Variants in PCDHGB7 observed in about 807,000 individuals in gnomAD.
PCDHGB7 encodes the protein protocadherin gamma-B7.
Under a neutral mutation model 61.4 loss-of-function variants are expected in PCDHGB7, and 37 were observed. That is an observed-to-expected ratio of 0.60 (90% confidence interval 0.46 to 0.79). PCDHGB7 has a LOEUF of 0.79. Among genes scored for constraint, PCDHGB7 ranks in the 30% least tolerant of loss-of-function variants. The probability of loss-of-function intolerance (pLI) is 0.00; values close to 1 mark genes in which losing one functional copy is unlikely to be tolerated. For synonymous variants in PCDHGB7, 464 were observed against 503.5 expected (o/e 0.92, Z 1.05); for missense variants, 1,166 against 1,202.5 (o/e 0.97, Z 0.45).
At chr5:141,430,996 G>A (rs1256552269) in intron 1 of PCDHGB7, 6 of 1,614,024 alleles carry the variant, frequency 3.7e-6, no homozygotes, top group Non-Finnish European at 5.1e-6. Context: ...CCCTGAATCC[G>A]CGCAGCGGCA....
At chr5:141,456,819 C>A (rs1453433865) in intron 1 of PCDHGB7, among the ~76,000 whole-genome samples, 1 of 151,982 alleles carries the variant, frequency 6.6e-6, no homozygotes, top group Non-Finnish European at 1.5e-5. Flanking sequence ...AAAAAATTAG[C>A]CATCGTGGTA....
Position 141,485,818 on chromosome 5 carries a change from C to A in PCDHGB7, c.2416-8989C>A, listed in dbSNP as rs757848513. The A allele has an allele frequency of 1.2e-6, 2 of 1,613,910 alleles. No individual in the cohort carries two copies. The highest frequency in any genetic ancestry group is 1.7e-6 in the Non-Finnish European group (2 of 1,179,974). On this transcript the variant is annotated intron_variant, in intron 1 of 3. Transcript: ENST00000398594. The surrounding 1 kb of genome is among the most constrained non-coding windows in gnomAD (Gnocchi z 5.7). ...ACTACCGCCTGGTGCTGACTGCTGT[C>A]GATGGAGGGAACCCGCCGAGATCTG...
rs61612330 is a variant in PCDHGB7, at chr5:141,454,796, A to ATTTTTTTTTTTTTTT, written c.2415+34537_2415+34551dup. 1.0e-3 allele frequency among the ~76,000 whole-genome samples: 80 copies of ATTTTTTTTTTTTTTT among 77,456 alleles called. 10 individuals are homozygous for ATTTTTTTTTTTTTTT. The highest frequency in any genetic ancestry group is 2.0e-3 in the East Asian group (5 of 2,512). The allele number at this position is 77,456 out of a possible 152,430, so 50.8% of individuals were successfully genotyped here. A position where few individuals can be genotyped will look rare whatever the true frequency, so the allele number is the denominator to read the frequency against. On this transcript the variant is annotated intron_variant, in intron 1 of 3. Transcript: ENST00000398594. ...AAGGAAATAATCCTCCATGGTTCTA[A>ATTTTTTTTTTTTTTT]TTTTTTTTTTTTTTTTTTTTTTTTT...
rs1329435709 is a variant in PCDHGB7 at position 141,485,726 on chromosome 5, C to T, written c.2416-9081C>T. ...ACACTTTGCACTGGATGTGAAGAAGCGCAGCGACGGCAGCCTGGTCCCAGA... is the reference window on the plus strand; with the variant it reads ...ACACTTTGCACTGGATGTGAAGAAGTGCAGCGACGGCAGCCTGGTCCCAGA... On this transcript the variant is annotated intron_variant, in intron 1 of 3. Coordinates refer to ENST00000398594, the MANE Select transcript of PCDHGB7 (RefSeq NM_018927.4). This position sits in a 1 kb window ranked among gnomAD's most constrained non-coding sequence, Gnocchi z 5.7. 2 of 1,614,138 alleles carry T rather than the reference C, an allele frequency of 1.2e-6. No homozygotes were observed. The highest frequency in any genetic ancestry group is 8.5e-7 in the Non-Finnish European group (1 of 1,180,024).
At chr5:141,507,842 C>CT (rs2099864170) in intron 3 of PCDHGB7, among the ~76,000 whole-genome samples, 1 of 152,230 alleles carries the variant, frequency 6.6e-6, no homozygotes, top group Admixed American at 6.5e-5. Flanking sequence ...GGGTCAGGCC[C>CT]TGCTCTCACT....
At position 141,487,382 on chromosome 5, in the gene PCDHGB7, T is replaced by A. The variant is rs755316738; in HGVS notation, c.2416-7425T>A. 6.2e-7 allele frequency: 1 copy of A among 1,614,172 alleles called. No individual in the cohort carries two copies. The highest frequency in any genetic ancestry group is 2.2e-5 in the East Asian group (1 of 44,854). On this transcript the variant is annotated intron_variant, in intron 1 of 3. Transcript: ENST00000398594. The surrounding 1 kb of genome is among the most constrained non-coding windows in gnomAD (Gnocchi z 5.0). ...TGGCACCTGTGCCTGTCTCACCAGA[T>A]CTCGAAGGAGGGAGGGGCTTCCCCC...
chr5:141,505,267 A>G (rs2099845018), intron 2 of PCDHGB7, 126 bp from the exon 3 acceptor site: 1 of 1,514,640 alleles, frequency 6.6e-7, no homozygotes, highest in Admixed American at 2.0e-5. Flanking sequence ...TACCTTGCTG[A>G]GAGAAACAGG....
intron 1 of PCDHGB7, among the ~76,000 whole-genome samples, chr5:141,454,120 T>C (rs956675583): frequency 6.6e-5 from 10 of 152,228 alleles, no homozygotes; most frequent in African/African-American, 2.4e-4. Context: ...ATAGAAGAAA[T>C]AGCTGACCAT....
chr5:141,485,340 C>A lies in PCDHGB7; in HGVS notation c.2416-9467C>A. 1 of 1,614,076 alleles carries A rather than the reference C, an allele frequency of 6.2e-7. No individual in the cohort carries two copies. On this transcript the variant is annotated intron_variant, in intron 1 of 3. Transcript: ENST00000398594. The surrounding 1 kb of genome is among the most constrained non-coding windows in gnomAD (Gnocchi z 5.7). ...GTCGCTCAAGATTTCCTGCTGGATA[C>A]GGACAGTCTGTCAGCTCGCAGGCTG...
At chr5:141,501,583 T>C (rs1270487304) in intron 2 of PCDHGB7, among the ~76,000 whole-genome samples, 1 of 152,054 alleles carries the variant, frequency 6.6e-6, no homozygotes, top group Non-Finnish European at 1.5e-5. Context: ...GGCTTTCAGG[T>C]TGCAACTCTA....
intron 1 of PCDHGB7, among the ~76,000 whole-genome samples, chr5:141,464,155 C>T (rs2099076990): frequency 1.3e-5 from 2 of 151,614 alleles, no homozygotes; most frequent in African/African-American, 4.8e-5. Flanking sequence ...GTCCCAGCTA[C>T]TTGGAAGGCT....
At chr5:141,425,379 G>A (rs1330938768) in intron 1 of PCDHGB7, among the ~76,000 whole-genome samples, 7 of 152,152 alleles carry the variant, frequency 4.6e-5, no homozygotes, top group African/African-American at 4.8e-5. Context: ...ATGTTGATTC[G>A]GAGGTAGTGA....
At position 141,475,845 on chromosome 5, in the gene PCDHGB7, G is replaced by A. The variant is rs2099375736; in HGVS notation, c.2416-18962G>A. On this transcript the variant is annotated intron_variant, in intron 1 of 3. Coordinates refer to ENST00000398594, the MANE Select transcript of PCDHGB7 (RefSeq NM_018927.4). ...CGCTAGCGCGTGTCCTGCTCAGAGA[G>A]CCCGGCGCTAGCTCATTCTTCGTGC... The A allele has an allele frequency of 2.0e-5, 9 of 447,884 alleles. 1 individual carries two copies. In the South Asian group the frequency reaches 2.8e-4, roughly 14 times the overall value. 27.7% of individuals were successfully genotyped at this position (447,884 alleles called of 1,614,324 possible).
Position 141,419,981 on chromosome 5 carries a change from A to G in PCDHGB7, c.2122A>G (p.Ile708Val), listed in dbSNP as rs2096455772. 1.2e-6 allele frequency: 2 copies of G among 1,613,934 alleles called. No homozygotes were observed. The highest frequency in any genetic ancestry group is 2.2e-5 in the East Asian group (1 of 44,902). The change falls in exon 1 of 4, where the codon ATT becomes GTT. Residue 708 changes from isoleucine to valine, a missense_variant. Physicochemically the swap from Ile to Val is conservative, Grantham distance 29 (BLOSUM62 3). Transcript: ENST00000398594. ...TTCTGTGCTCTTTCTCCTCGCGGTG[A>G]TTCTAGCTATTGCTCTACGCCTGCG... ...LISVLFLLAVILAIALRLRQS... is the reference protein window; with the variant it reads ...LISVLFLLAVVLAIALRLRQS...
intron 1 of PCDHGB7, chr5:141,426,874 C>T: frequency 2.2e-6 from 1 of 456,654 alleles, no homozygotes; most frequent in Non-Finnish European, 4.4e-6. Context: ...CTGGAGAAGC[C>T]CCTGGGCCAG....
Position 141,487,272 on chromosome 5 carries a change from T to C in PCDHGB7, c.2416-7535T>C. 6.2e-7 allele frequency: 1 copy of C among 1,614,148 alleles called. No homozygotes were observed. The highest frequency in any genetic ancestry group is 8.5e-7 in the Non-Finnish European group (1 of 1,180,036). Reference sequence around the variant, plus strand: ...TACTTGGCTGTGTCCCTAGTGGCAATTTGCTTTGTCTCCTTTGGCTCATTC... The same window carrying C: ...TACTTGGCTGTGTCCCTAGTGGCAACTTGCTTTGTCTCCTTTGGCTCATTC... On this transcript the variant is annotated intron_variant, in intron 1 of 3. Coordinates refer to ENST00000398594, the MANE Select transcript of PCDHGB7 (RefSeq NM_018927.4). This position sits in a 1 kb window ranked among gnomAD's most constrained non-coding sequence, Gnocchi z 5.0.
intron 1 of PCDHGB7, among the ~76,000 whole-genome samples, chr5:141,464,504 T>A (rs1264652523): frequency 6.6e-6 from 1 of 152,046 alleles, no homozygotes; most frequent in Non-Finnish European, 1.5e-5. Context: ...GATTGCTGCA[T>A]CATAAGGTAA....
rs1243232069 is a variant in PCDHGB7 at position 141,490,842 on chromosome 5, G to A, written c.2416-3965G>A. Reference sequence around the variant, plus strand: ...TGCTGCAGATGCTGCAGATTGTGGTGGGGGTTCGAGACTCCGGCTCTCCCC... The same window carrying A: ...TGCTGCAGATGCTGCAGATTGTGGTAGGGGTTCGAGACTCCGGCTCTCCCC... On this transcript the variant is annotated intron_variant, in intron 1 of 3. Transcript: ENST00000398594. The surrounding 1 kb of genome is among the most constrained non-coding windows in gnomAD (Gnocchi z 5.4). 4.3e-6 allele frequency: 7 copies of A among 1,613,844 alleles called. No homozygotes were observed. In the South Asian group the frequency reaches 6.6e-5, roughly 15 times the overall value.
intron 2 of PCDHGB7, among the ~76,000 whole-genome samples, chr5:141,496,078 CCCCACCCACCA>C (rs1204698458): frequency 6.6e-6 from 1 of 152,016 alleles, no homozygotes; most frequent in Non-Finnish European, 1.5e-5. Context: ...ACACACAACC[CCCCACCCACCA>C]CCCACCAACA....
Sources: gnomAD v4.1 joint callset for allele counts (sites outside exome capture counted in the v4.1 genomes callset) on GRCh38, gnomAD v4.1.1 for gene constraint, Gnocchi (gnomAD v3.1) non-coding constraint, MANE v1.5 for transcripts, NCBI Gene and HGNC (gene_info 2026-07-23, HGNC 2026-07-21) for gene names.